The following ASNSD1 variants were observed in gnomAD, a reference collection of about 807,000 sequenced individuals.
The protein encoded by ASNSD1 is asparagine synthetase domain containing 1.
A neutral mutation model predicts 48.3 loss-of-function variants in ASNSD1; 36 were observed. That is an observed-to-expected ratio of 0.75 (90% CI 0.57 to 0.99). The LOEUF is 0.99. Among genes scored for constraint, ASNSD1 ranks in the 50% least tolerant of loss-of-function variants. The pLI, the probability that ASNSD1 is intolerant of heterozygous loss-of-function variation, is 0.00. For missense variants in ASNSD1, 714 were observed against 758.2 expected (o/e 0.94, Z 0.69); for synonymous variants, 257 against 262.1 (o/e 0.98, Z 0.19).
chr2:189,666,365 A>G lies in ASNSD1; in HGVS notation c.233A>G (p.Glu78Gly). ...GGCAATGTGTTTCTATGGAATGGAG[A>G]AATTTTTAGTGGAATAAAGGTTGAA... The part of the protein sequence containing the change: ...ERGNVFLWNG[E>G]IFSGIKVEAE... The change falls in exon 4 of 6, where the codon GAA (glutamate) becomes GGA (glycine). Residue 78 changes from glutamate (E) to glycine (G), a missense_variant. Transcript: ENST00000260952. The G allele has an allele frequency of 6.2e-7, 1 of 1,613,792 alleles. No individual in the cohort carries two copies.
intron 2 of ASNSD1, among the ~76,000 whole-genome samples, chr2:189,664,358 C>T (rs2032739358): frequency 1.3e-5 from 2 of 152,182 alleles, no homozygotes; most frequent in Admixed American, 1.3e-4. Context: ...CTTCCCCTCC[C>T]TCCAAAAAAT....
At position 189,667,606 on chromosome 2, in the gene ASNSD1, A is replaced by G. The variant is rs1235709589; in HGVS notation, c.1464+10A>G. 2.5e-6 allele frequency: 4 copies of G among 1,577,554 alleles called. No homozygotes were observed. Among genetic ancestry groups the G allele is most frequent in the African/African-American group, 1.4e-5 (1 of 73,314 alleles). On this transcript the variant is annotated intron_variant, in intron 4 of 5. Coordinates refer to ENST00000260952, the MANE Select transcript of ASNSD1 (RefSeq NM_019048.4). ...TCAGAGCAATGCAAAGGTATGACACAGTGTTTCTTCTCCTGAGAATTCCTG... is the reference window on the plus strand; with the variant it reads ...TCAGAGCAATGCAAAGGTATGACACGGTGTTTCTTCTCCTGAGAATTCCTG...
chr2:189,663,789 G>A (rs1339470021), intron 1 of ASNSD1, 112 bp from the exon 2 acceptor site: 1 of 344,630 alleles, frequency 2.9e-6, no homozygotes, highest in African/African-American at 2.1e-5. Context: ...TGGAAAACCA[G>A]TACATCATAG....
At position 189,667,301 on chromosome 2, in the gene ASNSD1, C is replaced by G. The variant is rs1410571239; in HGVS notation, c.1169C>G (p.Ala390Gly). The change falls in exon 4 of 6, where the codon GCT becomes GGT. Residue 390 changes from alanine (A) to glycine (G), a missense_variant. Coordinates refer to ENST00000260952, the MANE Select transcript of ASNSD1 (RefSeq NM_019048.4). ...IPSEEFSKDV[A>G]AAAADSPNKH... ...TCAGAAGAATTCTCTAAAGATGTTG[C>G]TGCTGCTGCTGCTGACAGTCCTAAT... 1.2e-6 allele frequency: 2 copies of G among 1,610,176 alleles called. No homozygotes were observed. The highest frequency in any genetic ancestry group is 1.3e-5 in the African/African-American group (1 of 74,920).
At chr2:189,664,398 A>C (rs1217320390) in intron 2 of ASNSD1, among the ~76,000 whole-genome samples, 1 of 152,236 alleles carries the variant, frequency 6.6e-6, no homozygotes, top group Admixed American at 6.5e-5. Context: ...AATGTGTAAC[A>C]TGGTTATTTA....
In ASNSD1 at chr2:189,667,228, A is replaced by G; in HGVS notation, c.1096A>G (p.Thr366Ala). The change falls in exon 4 of 6, where the codon ACC (threonine) becomes GCC (alanine). Residue 366 changes from threonine (T) to alanine (A), a missense_variant. By Grantham distance (58) the Thr-to-Ala change is moderately conservative (BLOSUM62 0). Transcript: ENST00000260952. ...AGCTGAAGAAAAGACCATGCCAACT[A>G]CCTTTAACAGAGAAGGGAATAAACA... The part of the protein sequence containing the change: ...FIAEEKTMPT[T>A]FNREGNKQKN... The G allele has an allele frequency of 6.2e-7, 1 of 1,614,154 alleles. No individual in the cohort carries two copies. Among genetic ancestry groups the G allele is most frequent in the Non-Finnish European group, 8.5e-7 (1 of 1,180,030 alleles).
rs1343807954 is a variant in ASNSD1, at chr2:189,666,084, C to G, written c.-49C>G. On this transcript the variant is annotated 5_prime_UTR_variant, in exon 4 of 6. Transcript: ENST00000260952. ...AAAAAGAATACCAAGAAATAGAAAACTTAGACAAGACCAAAATCAAGAAAT... is the reference window on the plus strand; with the variant it reads ...AAAAAGAATACCAAGAAATAGAAAAGTTAGACAAGACCAAAATCAAGAAAT... The G allele has an allele frequency of 6.7e-7, 1 of 1,482,196 alleles. No homozygotes were observed. Among genetic ancestry groups the G allele is most frequent in the Non-Finnish European group, 8.9e-7 (1 of 1,118,104 alleles). The allele number at this position is 1,482,196 out of a possible 1,614,324, so 91.8% of individuals were successfully genotyped here. A position where few individuals can be genotyped will look rare whatever the true frequency, so the allele number is the denominator to read the frequency against.
chr2:189,663,471 T>A (rs2032717438), intron 1 of ASNSD1, among the ~76,000 whole-genome samples: 1 of 152,222 alleles, frequency 6.6e-6, no homozygotes, highest in Non-Finnish European at 1.5e-5. Flanking sequence ...CAGGCTGGTC[T>A]CGAACTCCCG....
rs1484977509 is a variant in ASNSD1, at chr2:189,666,866, A to G, written c.734A>G (p.Asn245Ser). The stretch of plus-strand genomic sequence containing the variant: ...CTTGAAAAACCTGTTGTTCCTTTAA[A>G]TATGATGTTGCCACAAGCTGCATTG... ...LYLEKPVVPL[N>S]MMLPQAALET... The change falls in exon 4 of 6, where the codon AAT becomes AGT. Residue 245 changes from asparagine (N) to serine (S), a missense_variant. Asn to Ser is a conservative substitution (Grantham distance 46). Transcript: ENST00000260952. 1.9e-6 allele frequency: 3 copies of G among 1,614,126 alleles called. No individual in the cohort carries two copies. Among genetic ancestry groups the G allele is most frequent in the Middle Eastern group, 1.6e-4 (1 of 6,062 alleles).
rs756735123 is a variant in ASNSD1, at chr2:189,667,467, A to G, written c.1335A>G (p.Ile445Met). The part of the protein sequence containing the change: ...EELQKLRRTR[I>M]CHLIRPLDTV... ...TGCAGAAATTAAGAAGAACTCGAAT[A>G]TGTCACTTAATTCGGCCATTGGATA... Residue 445 changes from isoleucine (I) to methionine (M), a missense_variant, in exon 4 of 6, where the codon ATA becomes ATG. Transcript: ENST00000260952. The G allele has an allele frequency of 6.2e-7, 1 of 1,614,192 alleles. No homozygotes were observed. Among genetic ancestry groups the G allele is most frequent in the South Asian group, 1.1e-5 (1 of 91,086 alleles).
rs746169667 is a variant in ASNSD1 at position 189,667,384 on chromosome 2, G to A, written c.1252G>A (p.Ala418Thr). 1.2e-6 allele frequency: 2 copies of A among 1,614,194 alleles called. No individual in the cohort carries two copies. The highest frequency in any genetic ancestry group is 1.7e-6 in the Non-Finnish European group (2 of 1,180,040). ...AAGGGCGGGACTAAAGGAACTACAA[G>A]CTGTTAGCCCTTCCCGAATTTGGAA... ...TGRAGLKELQ[A>T]VSPSRIWNFV... The change falls in exon 4 of 6, where the codon GCT becomes ACT. Residue 418 changes from alanine (A) to threonine (T), a missense_variant. Transcript: ENST00000260952.
At chr2:189,664,957 G>C (rs905003271) in intron 2 of ASNSD1, among the ~76,000 whole-genome samples, 5 of 152,136 alleles carry the variant, frequency 3.3e-5, no homozygotes, top group Admixed American at 3.3e-4. Flanking sequence ...CAAAGAGATG[G>C]TAACACCTTA....
At chr2:189,663,989 G>T (rs2032731063) in intron 2 of ASNSD1, 35 bp downstream of exon 2, 1 of 382,458 alleles carries the variant, frequency 2.6e-6, no homozygotes, top group Non-Finnish European at 4.7e-6. Flanking sequence ...TAATATGTGG[G>T]AGGTTTATTT....
chr2:189,669,633 A>C (rs1195088868), intron 5 of ASNSD1, among the ~76,000 whole-genome samples: 4 of 152,366 alleles, frequency 2.6e-5, no homozygotes, highest in East Asian at 1.9e-4. Flanking sequence ...AATAGGATGT[A>C]ATAAAACGGA....
chr2:189,667,695 T>C (rs2032844764), intron 4 of ASNSD1, 69 bp from the exon 5 acceptor site: 2 of 1,539,612 alleles, frequency 1.3e-6, no homozygotes, highest in Non-Finnish European at 1.7e-6. Context: ...ATATTTTAGG[T>C]GCATTTATCT....
At position 189,667,796 on chromosome 2, in the gene ASNSD1, AC is replaced by A. The variant is rs759760756; in HGVS notation, c.1498del (p.Ala501GlnfsTer18). 1 of 1,613,768 alleles carries A rather than the reference AC, an allele frequency of 6.2e-7. No homozygotes were observed. The highest frequency in any genetic ancestry group is 8.5e-7 in the Non-Finnish European group (1 of 1,179,922). ...VLTGIGADEQLAGYSRHRVRF... is the reference protein window; with the variant it reads ...VLTGIGADEQXAGYSRHRVRF... ...TCACTGGAATTGGTGCAGATGAGCA[AC>A]TTGCAGGTTATTCTCGTCATCGTGT... On this transcript the variant is annotated frameshift_variant, in exon 5 of 6. Coordinates refer to ENST00000260952, the MANE Select transcript of ASNSD1 (RefSeq NM_019048.4). LOFTEE classifies it high-confidence loss of function.
At chr2:189,668,032 G>A in intron 5 of ASNSD1, 87 bp downstream of exon 5, 1 of 1,292,310 alleles carries the variant, frequency 7.7e-7, no homozygotes, top group Non-Finnish European at 1.1e-6. Context: ...TTTTCTCTTT[G>A]GAGACTGTTC....
In ASNSD1 at chr2:189,667,346, A is replaced by G. The variant is rs1172144116; in HGVS notation, c.1214A>G (p.Asp405Gly). 3.7e-6 allele frequency: 6 copies of G among 1,614,064 alleles called. No individual in the cohort carries two copies. In the African/African-American group the frequency reaches 6.7e-5, roughly 18 times the overall value. Residue 405 changes from aspartate (D) to glycine (G), a missense_variant, in exon 4 of 6, where the codon GAT (aspartate) becomes GGT (glycine). Transcript: ENST00000260952. ...CCTAATAAACATGTCAGTGTACCAG[A>G]TCGAATCACAGGAAGGGCGGGACTA... ...DSPNKHVSVP[D>G]RITGRAGLKE... is the part of the protein sequence containing the mutation.
At position 189,667,490 on chromosome 2, in the gene ASNSD1, A is replaced by G. The variant is rs1475350156; in HGVS notation, c.1358A>G (p.Asp453Gly). ...TRICHLIRPL[D>G]TVLDDSIGCA... The stretch of plus-strand genomic sequence containing the variant: ...ATATGTCACTTAATTCGGCCATTGG[A>G]TACAGTTTTGGATGATAGCATTGGC... Residue 453 changes from aspartate to glycine, a missense_variant, in exon 4 of 6, where the codon GAT (aspartate) becomes GGT (glycine). Coordinates refer to ENST00000260952, the MANE Select transcript of ASNSD1 (RefSeq NM_019048.4). The G allele has an allele frequency of 2.5e-6, 4 of 1,614,174 alleles. No homozygotes were observed. Among genetic ancestry groups the G allele is most frequent in the Admixed American group, 1.7e-5 (1 of 60,018 alleles).
Sources: gnomAD v4.1 joint callset for allele counts (sites outside exome capture counted in the v4.1 genomes callset) on GRCh38, gnomAD v4.1.1 for gene constraint, MANE v1.5 for transcripts, NCBI Gene and HGNC (gene_info 2026-07-23, HGNC 2026-07-21) for gene names.